Variants in KHDRBS2 observed in about 807,000 individuals in gnomAD.
KHDRBS2 encodes the protein KH RNA binding domain containing, signal transduction associated 2, also known as KH domain-containing, RNA-binding, signal transduction-associated protein 2.
In KHDRBS2, 26 loss-of-function variants were observed where a neutral mutation model predicts 44.3. That is an observed-to-expected ratio of 0.59 (90% CI 0.43 to 0.81). The LOEUF is 0.81. KHDRBS2 is among the 40% of genes least tolerant of loss of function. KHDRBS2 has a pLI of 0.00. For missense variants in KHDRBS2, 476 were observed against 433.1 expected (o/e 1.10, Z -0.88); for synonymous variants, 194 against 151.1 (o/e 1.28, Z -2.08).
At chr6:61,555,587 C>T in the KHDRBS2 span, among the ~76,000 whole-genome samples, 15 of 152,294 alleles carry the variant, frequency 9.8e-5, no homozygotes, top group Middle Eastern at 3.4e-3. Context: ...ACACTCTTGC[C>T]TTTTGAGTTG....
chr6:62,132,166 G>A (rs1477573200), intron 2 of KHDRBS2, among the ~76,000 whole-genome samples: 1 of 152,110 alleles, frequency 6.6e-6, no homozygotes, highest in East Asian at 1.9e-4. Flanking sequence ...ATTTAATTAT[G>A]ATAATTCTGA....
At position 61,945,108 on chromosome 6, in the gene KHDRBS2, AAAAAGTATATATATAT is replaced by A. The variant is rs1379073575; in HGVS notation, c.483+32942_483+32957del. On this transcript the variant is annotated intron_variant, in intron 4 of 8. Transcript: ENST00000281156. ...TCTGTCTTAAAAAAAAAAAAAAAAA[AAAAAGTATATATATAT>A]ATATATATATATATATATATATATA... Among the ~76,000 whole-genome samples, 19 of 54,992 alleles carry A rather than the reference AAAAAGTATATATATAT, an allele frequency of 3.5e-4. 3 individuals carry two copies. The highest frequency in any genetic ancestry group is 1.1e-3 in the African/African-American group (11 of 10,322). The allele number at this position is 54,992 out of a possible 152,430, so 36.1% of individuals were successfully genotyped here. A position where few individuals can be genotyped will look rare whatever the true frequency, so the allele number is the denominator to read the frequency against.
intron 6 of KHDRBS2, among the ~76,000 whole-genome samples, chr6:61,842,914 A>C (rs1431117836): frequency 1.3e-5 from 2 of 152,142 alleles, no homozygotes. Flanking sequence ...CATATAATCT[A>C]TACAGATAAA....
At chr6:61,622,263 C>T in the KHDRBS2 span, among the ~76,000 whole-genome samples, 1 of 152,196 alleles carries the variant, frequency 6.6e-6, no homozygotes, top group African/African-American at 2.4e-5. Flanking sequence ...TGTGAGGACA[C>T]TATGAAGTTC....
At chr6:61,566,814 C>A in the KHDRBS2 span, among the ~76,000 whole-genome samples, 1 of 152,122 alleles carries the variant, frequency 6.6e-6, no homozygotes, top group African/African-American at 2.4e-5. Flanking sequence ...CTGACACTCA[C>A]TTCTTAGAGT....
intron 4 of KHDRBS2, among the ~76,000 whole-genome samples, chr6:61,918,608 C>A (rs1234453960): frequency 1.6e-4 from 24 of 152,064 alleles, no homozygotes; most frequent in Non-Finnish European, 2.9e-4. Context: ...CTTGGACCTC[C>A]AACCTTCAGA....
chr6:62,116,099 A>T (rs1314444036), intron 2 of KHDRBS2, among the ~76,000 whole-genome samples: 1 of 152,140 alleles, frequency 6.6e-6, no homozygotes, highest in Non-Finnish European at 1.5e-5. Flanking sequence ...GCTTATAATT[A>T]ATTGTAAATT....
chr6:62,271,008 A>G (rs1373791029), intron 1 of KHDRBS2, among the ~76,000 whole-genome samples: 2 of 152,166 alleles, frequency 1.3e-5, no homozygotes, highest in African/African-American at 4.8e-5. Context: ...CATATTCCAC[A>G]GTAAGAAATG....
the KHDRBS2 span, among the ~76,000 whole-genome samples, chr6:61,579,777 G>A: frequency 6.6e-6 from 1 of 152,086 alleles, no homozygotes; most frequent in Non-Finnish European, 1.5e-5. Flanking sequence ...TGAAAGGCAG[G>A]CTGGGTGTGG....
At chr6:62,278,349 GAACA>G (rs1244922086) in intron 1 of KHDRBS2, among the ~76,000 whole-genome samples, 1 of 151,966 alleles carries the variant, frequency 6.6e-6, no homozygotes, top group Non-Finnish European at 1.5e-5. Context: ...GCTGCTGTGG[GAACA>G]AACAGCTTCA....
intron 1 of KHDRBS2, among the ~76,000 whole-genome samples, chr6:62,207,058 G>A (rs369983282): frequency 6.6e-6 from 1 of 151,960 alleles, no homozygotes; most frequent in Non-Finnish European, 1.5e-5. Flanking sequence ...CTTTAATCCT[G>A]TAAGACTTTA....
At chr6:61,615,421 A>C in the KHDRBS2 span, among the ~76,000 whole-genome samples, 1 of 152,020 alleles carries the variant, frequency 6.6e-6, no homozygotes, top group Admixed American at 6.6e-5. Flanking sequence ...ACTTTATTTG[A>C]GATGTTGTGA....
At chr6:61,864,100 G>T (rs1207243415) in intron 6 of KHDRBS2, among the ~76,000 whole-genome samples, 1 of 151,968 alleles carries the variant, frequency 6.6e-6, no homozygotes. Flanking sequence ...CAGAAACTGG[G>T]ATTGCGATCC....
the KHDRBS2 span, among the ~76,000 whole-genome samples, chr6:61,588,096 A>G: frequency 6.6e-6 from 1 of 152,236 alleles, no homozygotes; most frequent in African/African-American, 2.4e-5. Context: ...ACTAGTTGAT[A>G]AAAGATGAGT....
intron 1 of KHDRBS2, among the ~76,000 whole-genome samples, chr6:62,221,766 G>A (rs541284595): frequency 8.0e-4 from 122 of 152,056 alleles, no homozygotes; most frequent in African/African-American, 2.9e-3. Flanking sequence ...TCAATACTTT[G>A]AGAAAACTAT....
chr6:61,951,129 T>C (rs560529004), intron 4 of KHDRBS2, among the ~76,000 whole-genome samples: 2 of 152,114 alleles, frequency 1.3e-5, no homozygotes, highest in African/African-American at 4.8e-5. Flanking sequence ...ATTTCAAAAA[T>C]GGGTAAGAAT....
intron 2 of KHDRBS2, among the ~76,000 whole-genome samples, chr6:62,114,480 T>A (rs1271418098): frequency 1.3e-5 from 2 of 152,108 alleles, no homozygotes; most frequent in East Asian, 3.9e-4. Context: ...CGGAACAGAA[T>A]GATATCAATT....
intron 2 of KHDRBS2, among the ~76,000 whole-genome samples, chr6:62,126,497 C>T (rs1378311257): frequency 3.3e-5 from 5 of 152,130 alleles, no homozygotes; most frequent in Non-Finnish European, 7.4e-5. Flanking sequence ...TAGGCAGTAG[C>T]CAGACAGTGC....
chr6:62,108,824 G>T (rs1192482), intron 2 of KHDRBS2, among the ~76,000 whole-genome samples: 2 of 151,994 alleles, frequency 1.3e-5, no homozygotes, highest in Non-Finnish European at 2.9e-5. Context: ...GAAATCATCA[G>T]TCTCAGCAAA....
Sources: allele counts gnomAD v4.1 joint callset (sites outside exome capture counted in the v4.1 genomes callset), GRCh38; gene constraint gnomAD v4.1.1; transcripts MANE v1.5; gene names NCBI Gene and HGNC (gene_info 2026-07-23, HGNC 2026-07-21).